The following PHACTR2 variants were observed in gnomAD, a reference collection of about 807,000 sequenced individuals.
PHACTR2 encodes the protein phosphatase and actin regulator 2.
PHACTR2 carries 30 observed loss-of-function variants against 76.0 expected under a neutral mutation model. The observed-to-expected ratio is 0.39, with a 90% CI of 0.30 to 0.54. The LOEUF (loss-of-function observed/expected upper bound fraction) is 0.54. Among genes scored for constraint, PHACTR2 ranks in the 20% least tolerant of loss-of-function variants. The probability of loss-of-function intolerance (pLI) is 0.61; values close to 1 mark genes in which losing one functional copy is unlikely to be tolerated. For missense variants in PHACTR2, 696 were observed against 781.1 expected (o/e 0.89, Z 1.30); for synonymous variants, 292 against 292.5 (o/e 1.00, Z 0.02).
intron 1 of PHACTR2, among the ~76,000 whole-genome samples, chr6:143,705,454 C>T (rs1778030823): frequency 6.6e-6 from 1 of 152,042 alleles, no homozygotes; most frequent in Non-Finnish European, 1.5e-5. Flanking sequence ...GCCACTGCGC[C>T]CAGCCAATTT....
rs1776225142 is a variant in PHACTR2, at chr6:143,624,765, T to G, written c.13+16443T>G. ...CTAGAGAGGCTGAGTGTGTAAAGGCTTGGCCAGGATGGTAAAGCTGCGTTT... is the reference window on the plus strand; with the variant it reads ...CTAGAGAGGCTGAGTGTGTAAAGGCGTGGCCAGGATGGTAAAGCTGCGTTT... On this transcript the variant is annotated intron_variant, in intron 1 of 11. Coordinates refer to the PHACTR2 transcript ENST00000305766. The surrounding 1 kb of genome is among the most constrained non-coding windows in gnomAD (Gnocchi z 4.6). Among the ~76,000 whole-genome samples, 1 of 152,030 alleles carries G rather than the reference T, an allele frequency of 6.6e-6. No individual in the cohort carries two copies. Among genetic ancestry groups the G allele is most frequent in the African/African-American group, 2.4e-5 (1 of 41,382 alleles).
chr6:143,574,890 C>T (rs1775487469), intron 1 of PHACTR2, among the ~76,000 whole-genome samples: 1 of 152,142 alleles, frequency 6.6e-6, no homozygotes, highest in Non-Finnish European at 1.5e-5. Context: ...ACAACAACAA[C>T]CTCCTACACT....
chr6:143,613,644 A>G (rs973168706), intron 1 of PHACTR2, among the ~76,000 whole-genome samples: 2 of 152,224 alleles, frequency 1.3e-5, no homozygotes, highest in Non-Finnish European at 2.9e-5. Flanking sequence ...CAAAGGCAGA[A>G]TGAATTGTGA....
rs576036177 is a variant in PHACTR2 at position 143,644,341 on chromosome 6, G to A, written c.13+36019G>A. Among the ~76,000 whole-genome samples the A allele has an allele frequency of 2.0e-3, 311 of 151,910 alleles. 2 individuals carry two copies. Among genetic ancestry groups the A allele is most frequent in the South Asian group, 7.3e-3 (35 of 4,804 alleles). ...GAATGAGCCGGGCATGGTGGCGGGC[G>A]CTTGTAGTCCCAGCTACTCAGGAGG... On this transcript the variant is annotated intron_variant, in intron 1 of 11. Coordinates refer to the PHACTR2 transcript ENST00000305766.
At chr6:143,544,940 A>G (rs116647011) in intron 1 of PHACTR2, among the ~76,000 whole-genome samples, 1,629 of 142,850 alleles carry the variant, frequency 0.011, 38 homozygotes, top group African/African-American at 0.036. Context: ...ATAATGAGAG[A>G]TTTTTGTTTT....
At position 143,553,881 on chromosome 6, in the gene PHACTR2, C is replaced by T. The variant is rs1179155171; in HGVS notation, c.217+16674C>T. 1.3e-5 allele frequency among the ~76,000 whole-genome samples: 2 copies of T among 152,128 alleles called. No homozygotes were observed. Among genetic ancestry groups the T allele is most frequent in the Admixed American group, 6.5e-5 (1 of 15,284 alleles). On this transcript the variant is annotated intron_variant, in intron 1 of 11. Transcript: ENST00000367584. The surrounding 1 kb of genome is among the most constrained non-coding windows in gnomAD (Gnocchi z 4.2). ...AGTATGGCAACCAAGGCAGGCCCCA[C>T]TGAGAAGGTGGCATTTGAAGAAAGG...
chr6:143,560,697 C>T (rs1481437189), intron 1 of PHACTR2, among the ~76,000 whole-genome samples: 3 of 152,094 alleles, frequency 2.0e-5, no homozygotes, highest in Admixed American at 2.0e-4. Context: ...AGAGGTCACC[C>T]AGAGGAGGTA....
chr6:143,758,669 T>G (rs1427663046), intron 4 of PHACTR2, among the ~76,000 whole-genome samples: 1 of 152,138 alleles, frequency 6.6e-6, no homozygotes, highest in Non-Finnish European at 1.5e-5. Flanking sequence ...TAGCTTCTGA[T>G]AAATGTTGAG....
intron 1 of PHACTR2, among the ~76,000 whole-genome samples, chr6:143,665,506 A>G (rs183989113): frequency 6.6e-6 from 1 of 152,338 alleles, no homozygotes; most frequent in East Asian, 1.9e-4. Flanking sequence ...GCTAGTTTTA[A>G]GTAATGGCAA....
chr6:143,807,157 A>T lies in PHACTR2; in HGVS notation c.1922+24A>T, dbSNP rs747234785. On this transcript the variant is annotated intron_variant, in intron 12 of 12. Transcript: ENST00000440869. This position sits in a 1 kb window ranked among gnomAD's most constrained non-coding sequence, Gnocchi z 5.5. ...AGGTAGGTGACAAAATGCAGCTTAG[A>T]AATTGAAAATGCTTAAGATGTGATC... The T allele has an allele frequency of 7.1e-7, 1 of 1,403,078 alleles. No individual in the cohort carries two copies. Among genetic ancestry groups the T allele is most frequent in the East Asian group, 2.3e-5 (1 of 43,766 alleles). The allele number at this position is 1,403,078 out of a possible 1,614,324, so 86.9% of individuals were successfully genotyped here. A position where few individuals can be genotyped will look rare whatever the true frequency, so the allele number is the denominator to read the frequency against.
At chr6:143,584,805 C>T (rs994945434) in intron 1 of PHACTR2, among the ~76,000 whole-genome samples, 43 of 152,056 alleles carry the variant, frequency 2.8e-4, no homozygotes, top group African/African-American at 9.2e-4. Context: ...TGGCTGAGTT[C>T]GGGTCAGAAG....
intron 1 of PHACTR2, among the ~76,000 whole-genome samples, chr6:143,552,713 G>A (rs971423897): frequency 1.3e-5 from 2 of 151,988 alleles, no homozygotes; most frequent in Non-Finnish European, 2.9e-5. Context: ...AGACTAGCCT[G>A]GCCAACATGG....
In PHACTR2 at chr6:143,679,195, T is replaced by C. The variant is rs925992252; in HGVS notation, c.46+986T>C. On this transcript the variant is annotated intron_variant, in intron 1 of 12. Coordinates refer to ENST00000440869, the MANE Select transcript of PHACTR2 (RefSeq NM_001100164.2). This position sits in a 1 kb window ranked among gnomAD's most constrained non-coding sequence, Gnocchi z 4.6. ...CTCAGGATGTCTAGCTAGATAGCATTCTGTCATTCCAACCCCCCACCCCAC... is the reference window on the plus strand; with the variant it reads ...CTCAGGATGTCTAGCTAGATAGCATCCTGTCATTCCAACCCCCCACCCCAC... Among the ~76,000 whole-genome samples, 2 of 152,162 alleles carry C rather than the reference T, an allele frequency of 1.3e-5. No individual in the cohort carries two copies. The highest frequency in any genetic ancestry group is 2.9e-5 in the Non-Finnish European group (2 of 68,026).
intron 1 of PHACTR2, among the ~76,000 whole-genome samples, chr6:143,701,490 A>C (rs1777911640): frequency 6.6e-6 from 1 of 151,944 alleles, no homozygotes; most frequent in African/African-American, 2.4e-5. Context: ...ACCTACCCTA[A>C]CTCCTTGGAT....
chr6:143,635,558 C>T (rs1177691124), intron 1 of PHACTR2, among the ~76,000 whole-genome samples: 2 of 152,192 alleles, frequency 1.3e-5, no homozygotes, highest in African/African-American at 4.8e-5. Context: ...CTCTGTTTCC[C>T]ACCAACCTCA....
In PHACTR2 at chr6:143,603,145, C is replaced by CAAAA. The variant is rs751947717; in HGVS notation, c.217+65957_217+65960dup. Reference sequence around the variant, plus strand: ...GGGTGACAAGAGCAAGACTCTGTCTCAAAAAAAAAAAAAAAAAAAAAATAC... The same window carrying CAAAA: ...GGGTGACAAGAGCAAGACTCTGTCTCAAAAAAAAAAAAAAAAAAAAAAAAAATAC... On this transcript the variant is annotated intron_variant, in intron 1 of 11. Transcript: ENST00000367584. 1.1e-3 allele frequency among the ~76,000 whole-genome samples: 85 copies of CAAAA among 78,578 alleles called. 1 individual carries two copies. Among genetic ancestry groups the CAAAA allele is most frequent in the East Asian group, 2.3e-3 (5 of 2,194 alleles). 51.6% of individuals were successfully genotyped at this position (78,578 alleles called of 152,430 possible).
chr6:143,651,618 T>C (rs979471753), intron 1 of PHACTR2, among the ~76,000 whole-genome samples: 1 of 152,016 alleles, frequency 6.6e-6, no homozygotes, highest in African/African-American at 2.4e-5. Context: ...TGTTCTCACT[T>C]ATAAGTGGGA....
At chr6:143,575,499 A>G (rs1775495405) in intron 1 of PHACTR2, among the ~76,000 whole-genome samples, 1 of 152,176 alleles carries the variant, frequency 6.6e-6, no homozygotes, top group African/African-American at 2.4e-5. Flanking sequence ...GGACTTGGAG[A>G]AAAAGCGCTC....
At chr6:143,577,920 A>G (rs1177357889) in intron 1 of PHACTR2, among the ~76,000 whole-genome samples, 1 of 152,216 alleles carries the variant, frequency 6.6e-6, no homozygotes, top group Non-Finnish European at 1.5e-5. Context: ...GAGAAATATG[A>G]CTATCAATAT....
Sources: gnomAD v4.1 joint callset for allele counts (sites outside exome capture counted in the v4.1 genomes callset) on GRCh38, gnomAD v4.1.1 for gene constraint, Gnocchi (gnomAD v3.1) non-coding constraint, MANE v1.5 for transcripts, NCBI Gene and HGNC (gene_info 2026-07-23, HGNC 2026-07-21) for gene names.